Variants in CNTN6 observed in about 807,000 individuals in gnomAD.
The protein encoded by CNTN6 is contactin 6, also known as contactin-6.
A neutral mutation model predicts 122.8 loss-of-function variants in CNTN6; 137 were observed. The ratio of observed to expected loss-of-function variants is 1.12; its 90% CI spans 0.97 to 1.29. The LOEUF (loss-of-function observed/expected upper bound fraction) is 1.29, where lower values mean the gene tolerates loss of function less well. CNTN6 is among the 50% of genes most tolerant of loss of function. The pLI is 0.00. For synonymous variants in CNTN6, 570 were observed against 426.0 expected, an observed-to-expected ratio of 1.34 and a Z score of -4.16; for missense variants, 1,634 against 1,223.4, an observed-to-expected ratio of 1.34 and a Z score of -5.01.
At position 1,144,127 on chromosome 3, in the gene CNTN6, T is replaced by G. The variant is rs546893039; in HGVS notation, c.-82-3800T>G. On this transcript the variant is annotated intron_variant, in intron 1 of 22. Coordinates refer to ENST00000446702, the MANE Select transcript of CNTN6 (RefSeq NM_001289080.2). ...GCTCTGCATTAGACACCACGCCGAG[T>G]ATTACGAGTAAGTGTTACACATGGT... Among the ~76,000 whole-genome samples, 6 of 152,266 alleles carry G rather than the reference T, an allele frequency of 3.9e-5. No individual in the cohort carries two copies. In the East Asian group the frequency reaches 1.2e-3, roughly 29 times the overall value.
At chr3:1,167,170 CAAAA>C (rs1205522771) in intron 2 of CNTN6, among the ~76,000 whole-genome samples, 1 of 151,690 alleles carries the variant, frequency 6.6e-6, no homozygotes, top group Non-Finnish European at 1.5e-5. Flanking sequence ...AACAAACAAA[CAAAA>C]ACACCTTGGT....
intron 4 of CNTN6, among the ~76,000 whole-genome samples, chr3:1,236,571 ACT>A (rs1179979309): frequency 6.6e-6 from 1 of 152,058 alleles, no homozygotes; most frequent in East Asian, 1.9e-4. Flanking sequence ...GGGACAAAAG[ACT>A]CTGAAGAGCA....
chr3:1,344,828 C>G (rs1421730168), intron 11 of CNTN6, among the ~76,000 whole-genome samples: 1 of 152,122 alleles, frequency 6.6e-6, no homozygotes, highest in Non-Finnish European at 1.5e-5. Flanking sequence ...TTGTTCAGAA[C>G]TGATTAACAA....
intron 1 of CNTN6, among the ~76,000 whole-genome samples, chr3:1,130,196 G>A (rs1003005662): frequency 6.6e-6 from 1 of 151,966 alleles, no homozygotes; most frequent in African/African-American, 2.4e-5. Context: ...TTTATTTCAA[G>A]GCCAATTTCT....
At chr3:1,268,596 G>C (rs1215633981) in intron 4 of CNTN6, among the ~76,000 whole-genome samples, 10 of 110,508 alleles carry the variant, frequency 9.0e-5, no homozygotes, top group African/African-American at 4.1e-4. Context: ...GACAGAGCGA[G>C]ACTCCGTCTC....
At chr3:1,249,919 T>C (rs1185519463) in intron 4 of CNTN6, among the ~76,000 whole-genome samples, 1 of 152,170 alleles carries the variant, frequency 6.6e-6, no homozygotes, top group East Asian at 1.9e-4. Context: ...GGCTCTGTTT[T>C]TGTGTTGTTT....
At chr3:1,144,835 G>C (rs2092690456) in intron 1 of CNTN6, among the ~76,000 whole-genome samples, 1 of 152,060 alleles carries the variant, frequency 6.6e-6, no homozygotes, top group Admixed American at 6.6e-5. Flanking sequence ...CTCCAAATGA[G>C]GCAAAGGGCA....
At position 1,321,671 on chromosome 3, in the gene CNTN6, G is replaced by C. The variant is rs754130076; in HGVS notation, c.783G>C (p.Trp261Cys). Residue 261 changes from tryptophan (W) to cysteine (C), a missense_variant, in exon 8 of 23, where the codon TGG becomes TGC. Trp to Cys is a radical substitution (Grantham distance 215). Transcript: ENST00000446702. Reference sequence around the variant, plus strand: ...TTAGTCCAGTCCCCGATATTAGTTGGAGAAGGTTGGACGGGAGCCCGTTGC... The same window carrying C: ...TTAGTCCAGTCCCCGATATTAGTTGCAGAAGGTTGGACGGGAGCCCGTTGC... ...ALGNPVPDIS[W>C]RRLDGSPLPG... The C allele has an allele frequency of 2.5e-6, 4 of 1,611,248 alleles. 1 individual carries two copies. The South Asian group carries it at 3.3e-5, about 13-fold the overall frequency.
chr3:1,207,023 G>C (rs1048032733), intron 2 of CNTN6, among the ~76,000 whole-genome samples: 16 of 152,016 alleles, frequency 1.1e-4, no homozygotes, highest in Non-Finnish European at 1.8e-4. Context: ...CACTCAATCC[G>C]ATGATCTTCA....
chr3:1,145,389 G>A lies in CNTN6; in HGVS notation c.-82-2538G>A, dbSNP rs142262823. ...ATGCTTGTCCCTGGAGCAAGAAGGT[G>A]GAGGCAAATAACTCCCCAGCTGTAT... is the stretch of plus-strand genomic sequence containing the variant. On this transcript the variant is annotated intron_variant, in intron 1 of 22. Transcript: ENST00000446702. Among the ~76,000 whole-genome samples, 107 of 152,242 alleles carry A rather than the reference G, an allele frequency of 7.0e-4. No homozygotes were observed. In the East Asian group the frequency reaches 0.018, roughly 25 times the overall value.
intron 1 of CNTN6, among the ~76,000 whole-genome samples, chr3:1,136,985 T>C (rs1437727426): frequency 2.0e-5 from 3 of 152,182 alleles, no homozygotes; most frequent in Non-Finnish European, 4.4e-5. Flanking sequence ...CTCGCTTCTG[T>C]TGGGTATTTG....
chr3:1,194,967 A>G (rs949212261), intron 2 of CNTN6, among the ~76,000 whole-genome samples: 1 of 151,370 alleles, frequency 6.6e-6, no homozygotes, highest in Admixed American at 6.6e-5. Context: ...AAAAAAAAAG[A>G]CTCCCCTTCC....
chr3:1,225,848 T>C (rs1051631494), intron 3 of CNTN6, among the ~76,000 whole-genome samples: 1 of 152,112 alleles, frequency 6.6e-6, no homozygotes, highest in Non-Finnish European at 1.5e-5. Flanking sequence ...GTGCAGGAAA[T>C]GGCTAAATAA....
chr3:1,352,432 T>G lies in CNTN6; in HGVS notation c.1473T>G (p.Thr491=). ...ATNQFGTAKN[T]GSLIVKERTV... is the part of the protein sequence containing the mutation. Reference sequence around the variant, plus strand: ...ATCAGTTTGGCACTGCAAAGAACACTGGCAGCCTCATTGTAAAAGGTATCA... The same window carrying G: ...ATCAGTTTGGCACTGCAAAGAACACGGGCAGCCTCATTGTAAAAGGTATCA... Residue 491 remains threonine, a synonymous_variant, in exon 12 of 23, where the codon ACT becomes ACG. Transcript: ENST00000446702. 1 of 1,609,928 alleles carries G rather than the reference T, an allele frequency of 6.2e-7. No individual in the cohort carries two copies. The highest frequency in any genetic ancestry group is 1.1e-5 in the South Asian group (1 of 90,950).
At chr3:1,333,958 T>C (rs1702684997) in intron 11 of CNTN6, among the ~76,000 whole-genome samples, 1 of 152,122 alleles carries the variant, frequency 6.6e-6, no homozygotes, top group Admixed American at 6.6e-5. Flanking sequence ...TAATTTGATG[T>C]GTTGATAATT....
chr3:1,125,995 T>C (rs2092145292), intron 1 of CNTN6, among the ~76,000 whole-genome samples: 1 of 150,432 alleles, frequency 6.6e-6, no homozygotes. Flanking sequence ...AATTGTATTC[T>C]CTCTTTCCAC....
intron 11 of CNTN6, among the ~76,000 whole-genome samples, chr3:1,332,519 G>GAAGGGGCGAGC (rs1553687699): frequency 5.6e-5 from 3 of 53,596 alleles, no homozygotes; most frequent in East Asian, 1.3e-3. Context: ...AGGAAGGAAG[G>GAAGGGGCGAGC]AAGGAAGGAA....
At chr3:1,382,480 T>TAAAGC (rs1692050150) in intron 17 of CNTN6, among the ~76,000 whole-genome samples, 1 of 152,216 alleles carries the variant, frequency 6.6e-6, no homozygotes, top group Non-Finnish European at 1.5e-5. Context: ...TTCTGTGTCT[T>TAAAGC]AAAGCATATG....
intron 1 of CNTN6, among the ~76,000 whole-genome samples, chr3:1,113,314 A>C (rs548112607): frequency 8.5e-5 from 13 of 152,308 alleles, no homozygotes; most frequent in African/African-American, 3.1e-4. Context: ...TTACTAAAAA[A>C]GATGCTGTAT....
Sources: gnomAD v4.1 joint callset for allele counts (sites outside exome capture counted in the v4.1 genomes callset) on GRCh38, gnomAD v4.1.1 for gene constraint, MANE v1.5 for transcripts, NCBI Gene and HGNC (gene_info 2026-07-23, HGNC 2026-07-21) for gene names.